Variants in FAM178B observed in about 807,000 individuals in gnomAD.
FAM178B encodes family with sequence similarity 178 member B, also known as protein FAM178B.
A neutral mutation model predicts 91.7 loss-of-function variants in FAM178B; 82 were observed. The observed-to-expected ratio is 0.89, with a 90% CI of 0.75 to 1.07. FAM178B has a LOEUF of 1.07. FAM178B is among the 50% of genes least tolerant of loss of function. The pLI is 0.00. For missense variants in FAM178B, 769 were observed against 846.7 expected (o/e 0.91, Z 1.14); for synonymous variants, 368 against 359.4 (o/e 1.02, Z -0.27).
intron 5 of FAM178B, among the ~76,000 whole-genome samples, chr2:96,963,324 C>T (rs2082106150): frequency 6.6e-6 from 1 of 152,228 alleles, no homozygotes; most frequent in Non-Finnish European, 1.5e-5. Context: ...AATCCATGCA[C>T]CTCAGCTCAG....
intron 14 of FAM178B, among the ~76,000 whole-genome samples, chr2:96,881,070 G>C (rs1052540434): frequency 2.6e-5 from 4 of 151,908 alleles, no homozygotes; most frequent in African/African-American, 9.7e-5. Context: ...TCAGGAGTTT[G>C]AGACCAGCCT....
chr2:96,986,200 AAC>A, intron 1 of FAM178B, 39 bp downstream of exon 1: 5 of 1,533,750 alleles, frequency 3.3e-6, no homozygotes, highest in Non-Finnish European at 4.4e-6. Flanking sequence ...TCTGAGCGCT[AAC>A]CACGCGCCCC....
intron 14 of FAM178B, among the ~76,000 whole-genome samples, chr2:96,890,532 A>G (rs2080647578): frequency 6.6e-6 from 1 of 152,216 alleles, no homozygotes. Context: ...AGAACACACC[A>G]GAAAACATCT....
chr2:96,948,055 T>C (rs779622138), intron 7 of FAM178B, among the ~76,000 whole-genome samples, 153 bp from the exon 8 acceptor site: 2 of 152,246 alleles, frequency 1.3e-5, no homozygotes, highest in Non-Finnish European at 2.9e-5. Context: ...TGTTGCCAAT[T>C]AGAGGATGGA....
At chr2:96,927,949 CAGG>C (rs983910574) in intron 9 of FAM178B, among the ~76,000 whole-genome samples, 4 of 152,334 alleles carry the variant, frequency 2.6e-5, no homozygotes, top group Admixed American at 6.5e-5. Flanking sequence ...AGCTCTGTGC[CAGG>C]AGGAGGCAAG....
At chr2:96,883,559 T>G (rs1174795568) in intron 14 of FAM178B, among the ~76,000 whole-genome samples, 1 of 152,238 alleles carries the variant, frequency 6.6e-6, no homozygotes, top group Non-Finnish European at 1.5e-5. Flanking sequence ...GACCTGTTTC[T>G]GGCAGGAGGA....
intron 14 of FAM178B, among the ~76,000 whole-genome samples, chr2:96,888,660 C>T (rs558929208): frequency 2.6e-5 from 4 of 152,342 alleles, no homozygotes; most frequent in African/African-American, 9.6e-5. Flanking sequence ...GTTACAGCAG[C>T]GGGAGCGAAG....
At chr2:96,909,078 G>C (rs914750790) in intron 12 of FAM178B, among the ~76,000 whole-genome samples, 1 of 151,230 alleles carries the variant, frequency 6.6e-6, no homozygotes, top group African/African-American at 2.4e-5. Flanking sequence ...GGGAGGCAGA[G>C]GTTGCAGTGA....
At chr2:96,884,730 C>T (rs1167399256) in intron 14 of FAM178B, among the ~76,000 whole-genome samples, 6 of 152,356 alleles carry the variant, frequency 3.9e-5, no homozygotes, top group African/African-American at 1.4e-4. Flanking sequence ...AACCGCACAA[C>T]CTCTTCCCCT....
intron 8 of FAM178B, 88 bp from the exon 9 acceptor site, chr2:96,929,408 T>C: frequency 2.1e-6 from 2 of 933,788 alleles, no homozygotes; most frequent in African/African-American, 1.7e-5. Context: ...CCGTGACCCC[T>C]GGCCCAAGAT....
chr2:96,932,388 C>A (rs1440554189), intron 8 of FAM178B, among the ~76,000 whole-genome samples: 1 of 152,224 alleles, frequency 6.6e-6, no homozygotes, highest in East Asian at 1.9e-4. Context: ...TCCCTATCAG[C>A]AGCCGTGGAG....
intron 7 of FAM178B, chr2:96,950,251 T>C: frequency 2.3e-6 from 2 of 869,438 alleles, no homozygotes; most frequent in Non-Finnish European, 2.8e-6. Flanking sequence ...GAGCAGGGGC[T>C]GCACCGCCAG....
At chr2:96,966,329 T>C (rs1036263960) in intron 5 of FAM178B, among the ~76,000 whole-genome samples, 1 of 151,956 alleles carries the variant, frequency 6.6e-6, no homozygotes, top group African/African-American at 2.4e-5. Flanking sequence ...GCCCACACCC[T>C]TCATCATCAG....
In FAM178B at chr2:96,885,040, G is replaced by T. The variant is rs192720111; in HGVS notation, c.1777-6547C>A. On this transcript the variant is annotated intron_variant, in intron 14 of 16. Transcript: ENST00000490605. ...TCTTAGCCAGAGAGCAGACGTCACT[G>T]GTGGGGCCTGCCAGGCAAGACACCC... Among the ~76,000 whole-genome samples, 15 of 152,384 alleles carry T rather than the reference G, an allele frequency of 9.8e-5. No individual in the cohort carries two copies. In the East Asian group the frequency reaches 2.9e-3, roughly 29 times the overall value.
In FAM178B at chr2:96,970,610, T is replaced by G. The variant is rs558367639; in HGVS notation, c.626+106A>C. The G allele has an allele frequency of 7.8e-4, 661 of 850,134 alleles. 1 individual carries two copies. Among genetic ancestry groups the G allele is most frequent in the Non-Finnish European group, 1.1e-3 (555 of 520,646 alleles). The allele number at this position is 850,134 out of a possible 1,614,324, so 52.7% of individuals were successfully genotyped here. A position where few individuals can be genotyped will look rare whatever the true frequency, so the allele number is the denominator to read the frequency against. On this transcript the variant is annotated intron_variant, in intron 4 of 16. Transcript: ENST00000490605. The stretch of plus-strand genomic sequence containing the variant: ...CAGAGCACACAGGGCAGGCTGAGTC[T>G]GGGTGGGAGGCCGCTGTACTCCGAC...
chr2:96,892,246 G>A (rs533651626), intron 14 of FAM178B, among the ~76,000 whole-genome samples: 2 of 152,284 alleles, frequency 1.3e-5, no homozygotes, highest in East Asian at 3.9e-4. Flanking sequence ...TCACACTTCT[G>A]TGCCCATGTA....
rs2081332878 is a variant in FAM178B, at chr2:96,921,210, A to G, written c.1517T>C (p.Leu506Pro). ...LSWVSDHHHN[L>P]LALVQFFPDM... is the part of the protein sequence containing the mutation. ...TGGGAAGAACTGCACGAGGGCCAGC[A>G]GGTTGTGGTGGTGGTCAGACACCCA... Residue 506 changes from leucine to proline, a missense_variant, in exon 12 of 17, where the codon CTG (leucine) becomes CCG (proline). Leu to Pro is a moderately conservative substitution (Grantham distance 98). Coordinates refer to ENST00000490605, the MANE Select transcript of FAM178B (RefSeq NM_001122646.3). 1.3e-6 allele frequency: 2 copies of G among 1,551,494 alleles called. No homozygotes were observed. Among genetic ancestry groups the G allele is most frequent in the African/African-American group, 1.4e-5 (1 of 73,022 alleles).
chr2:96,948,205 G>A (rs2081862951), intron 7 of FAM178B, among the ~76,000 whole-genome samples: 1 of 152,208 alleles, frequency 6.6e-6, no homozygotes, highest in South Asian at 2.1e-4. Context: ...GGGGGTCTTG[G>A]TCCCTCTGCC....
At chr2:96,964,584 C>T (rs894348280) in intron 5 of FAM178B, among the ~76,000 whole-genome samples, 2 of 152,136 alleles carry the variant, frequency 1.3e-5, no homozygotes, top group Admixed American at 6.5e-5. Flanking sequence ...TCCCTAGCAT[C>T]GATTCCCCGC....
Sources: allele counts gnomAD v4.1 joint callset (sites outside exome capture counted in the v4.1 genomes callset), GRCh38; gene constraint gnomAD v4.1.1; transcripts MANE v1.5; gene names NCBI Gene and HGNC (gene_info 2026-07-23, HGNC 2026-07-21).